The following NCBP3 variants were observed in gnomAD, a reference collection of about 807,000 sequenced individuals.
The protein encoded by NCBP3 is nuclear cap-binding protein subunit 3.
In NCBP3, 20 loss-of-function variants were observed where a neutral mutation model predicts 75.7. The observed-to-expected ratio is 0.26, with a 90% CI of 0.19 to 0.38. The LOEUF (loss-of-function observed/expected upper bound fraction) is 0.38. Ranked by LOEUF, NCBP3 falls within the 10% of genes least tolerant of loss-of-function variation. The pLI, the probability that NCBP3 is intolerant of heterozygous loss-of-function variation, is 1.00. For synonymous variants in NCBP3, 293 were observed against 290.5 expected (o/e 1.01, Z -0.09); for missense variants, 678 against 796.9 (o/e 0.85, Z 1.80).
intron 10 of NCBP3, among the ~76,000 whole-genome samples, chr17:3,817,717 A>G (rs971617200): frequency 3.9e-5 from 6 of 152,246 alleles, no homozygotes; most frequent in African/African-American, 1.4e-4. Context: ...GTTTTGTGTA[A>G]TAACTGGACT....
chr17:3,844,575 A>C (rs369896895), intron 1 of NCBP3, among the ~76,000 whole-genome samples: 10 of 152,110 alleles, frequency 6.6e-5, no homozygotes, highest in Admixed American at 6.6e-4. Flanking sequence ...TGTTGGCCGG[A>C]CGCAATGGCT....
Position 3,818,508 on chromosome 17 carries a change from TTCCTCTTCCTCCTCCTCC to T in NCBP3, c.1047_1064del (p.Glu354_Glu359del), listed in dbSNP as rs1567583254. The T allele has an allele frequency of 3.1e-6, 5 of 1,613,138 alleles. No homozygotes were observed. The highest frequency in any genetic ancestry group is 3.4e-6 in the Non-Finnish European group (4 of 1,179,966). On this transcript the variant is annotated inframe_deletion, in exon 10 of 13. Coordinates refer to ENST00000389005, the MANE Select transcript of NCBP3 (RefSeq NM_001114118.3). The surrounding 1 kb of genome is among the most constrained non-coding windows in gnomAD (Gnocchi z 4.7). ...CCATGTCCTGGTCTTCTTCTTCCTCTTCCTCTTCCTCCTCCTCCTCCTCTTCCTCCTCTTCAATGGGTT... is the reference window on the plus strand; with the variant it reads ...CCATGTCCTGGTCTTCTTCTTCCTCTTCCTCTTCCTCCTCTTCAATGGGTT...
chr17:3,815,586 C>T (rs911707574), intron 11 of NCBP3, among the ~76,000 whole-genome samples: 1 of 152,168 alleles, frequency 6.6e-6, no homozygotes, highest in African/African-American at 2.4e-5. Flanking sequence ...ATGGTTGGCC[C>T]TCCTCATCCA....
chr17:3,830,607 G>A (rs2053859878), intron 3 of NCBP3, among the ~76,000 whole-genome samples: 1 of 152,178 alleles, frequency 6.6e-6, no homozygotes, highest in Admixed American at 6.5e-5. Flanking sequence ...TTTATTTTTT[G>A]AGATGGAGTC....
chr17:3,818,206 G>A lies in NCBP3; in HGVS notation c.1310+57C>T. 1 of 1,251,932 alleles carries A rather than the reference G, an allele frequency of 8.0e-7. No homozygotes were observed. The highest frequency in any genetic ancestry group is 1.5e-5 in the South Asian group (1 of 66,648). The allele number at this position is 1,251,932 out of a possible 1,614,324, so 77.6% of individuals were successfully genotyped here. On this transcript the variant is annotated intron_variant, in intron 10 of 12. Transcript: ENST00000389005. The surrounding 1 kb of genome is among the most constrained non-coding windows in gnomAD (Gnocchi z 4.7). ...TTATAAAATTAGGAGGAATTAAGAA[G>A]TTATACTAGTATTTAAAATCAAATT...
chr17:3,817,578 G>A (rs995423428), intron 10 of NCBP3, among the ~76,000 whole-genome samples: 2 of 152,142 alleles, frequency 1.3e-5, no homozygotes, highest in South Asian at 2.1e-4. Flanking sequence ...GCAGTGAGCC[G>A]AGATCGCGCC....
intron 9 of NCBP3, among the ~76,000 whole-genome samples, chr17:3,819,675 A>G (rs1208471149): frequency 1.3e-5 from 2 of 152,222 alleles, no homozygotes; most frequent in Non-Finnish European, 2.9e-5. Flanking sequence ...CAGTGTTCAC[A>G]GTGACTTTAT....
intron 11 of NCBP3, 60 bp from the exon 12 acceptor site, chr17:3,814,543 C>T (rs577447076): frequency 2.5e-5 from 40 of 1,572,768 alleles, no homozygotes; most frequent in African/African-American, 1.6e-4. Context: ...CGGCACCAGC[C>T]GCCTGACACC....
At chr17:3,843,236 T>A in intron 1 of NCBP3, 85 bp from the exon 2 acceptor site, 1 of 990,838 alleles carries the variant, frequency 1.0e-6, no homozygotes, top group Non-Finnish European at 1.5e-6. Context: ...CTGCAGGTTC[T>A]TTTTTCCTTT....
At chr17:3,814,516 T>C in intron 11 of NCBP3, 33 bp from the exon 12 acceptor site, 2 of 1,610,516 alleles carry the variant, frequency 1.2e-6, no homozygotes, top group South Asian at 2.2e-5. Context: ...CCAGTGACCG[T>C]GTGTGTGCTT....
rs897957141 is a variant in NCBP3, at chr17:3,803,735, T to G, written c.*9309A>C. On this transcript the variant is annotated 3_prime_UTR_variant, in exon 13 of 13. Transcript: ENST00000389005. ...ATAAAGTTTTAAATATTTTAAAAAATTTTTTTCTTTCTCCCCTTGATACCA... is the reference window on the plus strand; with the variant it reads ...ATAAAGTTTTAAATATTTTAAAAAAGTTTTTTCTTTCTCCCCTTGATACCA... 3 of 152,154 alleles carry G rather than the reference T, an allele frequency of 2.0e-5. No homozygotes were observed. The highest frequency in any genetic ancestry group is 7.2e-5 in the African/African-American group (3 of 41,424). 9.4% of individuals were successfully genotyped at this position (152,154 alleles called of 1,614,324 possible). A position where few individuals can be genotyped will look rare whatever the true frequency, so the allele number is the denominator to read the frequency against.
rs767539890 is a variant in NCBP3, at chr17:3,824,968, C to A, written c.770G>T (p.Arg257Met). ...TTTTGTAGCAAATCTCATGAATAAC[C>A]TATTTCCTTTAGCAAGTTTGTTAGC... ...RPANKLAKGN[R>M]LFMRFATKDD... Residue 257 changes from arginine to methionine, a missense_variant, in exon 7 of 13, where the codon AGG (arginine) becomes ATG (methionine). By Grantham distance (91) the Arg-to-Met change is moderately conservative (BLOSUM62 -1). Around this residue, in one of 7 missense-constraint regions of NCBP3, gnomAD observed 98 missense variants for 101.8 expected, o/e 0.96. Transcript: ENST00000389005. The A allele has an allele frequency of 3.1e-5, 48 of 1,540,456 alleles. No homozygotes were observed. Among genetic ancestry groups the A allele is most frequent in the Non-Finnish European group, 4.2e-5 (48 of 1,140,702 alleles).
At chr17:3,832,686 T>C (rs956492549) in intron 3 of NCBP3, among the ~76,000 whole-genome samples, 24 of 152,080 alleles carry the variant, frequency 1.6e-4, no homozygotes, top group African/African-American at 5.3e-4. Flanking sequence ...TAATGTCTAT[T>C]ACTACCAAGC....
chr17:3,839,600 G>A (rs1162575842), intron 3 of NCBP3, among the ~76,000 whole-genome samples: 1 of 152,094 alleles, frequency 6.6e-6, no homozygotes, highest in African/African-American at 2.4e-5. Flanking sequence ...CACCTGCCTT[G>A]GCCTCCCAAA....
rs992118543 is a variant in NCBP3, at chr17:3,840,129, A to G, written c.326T>C (p.Val109Ala). Residue 109 changes from valine to alanine, a missense_variant, in exon 3 of 13, where the codon GTA (valine) becomes GCA (alanine). This residue lies in a region of NCBP3 where 40 missense variants were observed against 41.3 expected (regional missense o/e 0.97). Transcript: ENST00000389005. Reference sequence around the variant, plus strand: ...CTTCATCATGTCTCGGTCCAAGGCTACATTTCTTTGGGCAAGATTTACTTC... The same window carrying G: ...CTTCATCATGTCTCGGTCCAAGGCTGCATTTCTTTGGGCAAGATTTACTTC... Reference protein sequence around the residue: ...RSEVNLAQRNVALDRDMMKKA... With the variant: ...RSEVNLAQRNAALDRDMMKKA... The G allele has an allele frequency of 6.4e-7, 1 of 1,551,594 alleles. No individual in the cohort carries two copies. The highest frequency in any genetic ancestry group is 8.7e-7 in the Non-Finnish European group (1 of 1,146,974).
chr17:3,830,921 T>A (rs2053866680), intron 3 of NCBP3, among the ~76,000 whole-genome samples: 1 of 151,168 alleles, frequency 6.6e-6, no homozygotes, highest in South Asian at 2.1e-4. Flanking sequence ...TTTTTTTTCT[T>A]TTTTTTTGAG....
At chr17:3,840,773 T>C (rs1286485566) in intron 2 of NCBP3, among the ~76,000 whole-genome samples, 2 of 152,172 alleles carry the variant, frequency 1.3e-5, no homozygotes, top group African/African-American at 4.8e-5. Flanking sequence ...TCCCTAAAGC[T>C]AGTCTGTTTA....
chr17:3,816,014 A>G, intron 11 of NCBP3, 102 bp downstream of exon 11: 1 of 1,139,088 alleles, frequency 8.8e-7, no homozygotes, highest in Non-Finnish European at 1.2e-6. Flanking sequence ...AGGACAGCTA[A>G]ATCAGTTCAC....
chr17:3,844,801 G>A (rs1419380888), intron 1 of NCBP3, among the ~76,000 whole-genome samples: 1 of 152,234 alleles, frequency 6.6e-6, no homozygotes, highest in African/African-American at 2.4e-5. Context: ...GGTGAGCCAA[G>A]ATCAGGCCAT....
Sources: allele counts gnomAD v4.1 joint callset (sites outside exome capture counted in the v4.1 genomes callset), GRCh38; gene constraint gnomAD v4.1.1; regional missense constraint gnomAD v4.1.1; non-coding constraint Gnocchi (gnomAD v3.1); transcripts MANE v1.5; gene names NCBI Gene and HGNC (gene_info 2026-07-23, HGNC 2026-07-21).